Variants in PTPRT observed in about 807,000 individuals in gnomAD.
PTPRT encodes receptor-type tyrosine-protein phosphatase T.
PTPRT carries 56 observed loss-of-function variants against 176.8 expected under a neutral mutation model. The observed-to-expected ratio is 0.32, with a 90% confidence interval of 0.26 to 0.40. PTPRT has a LOEUF of 0.40. Among genes scored for constraint, PTPRT ranks in the 10% least tolerant of loss-of-function variants. PTPRT has a pLI of 1.00. For missense variants in PTPRT, 1,540 were observed against 1,908.2 expected, an observed-to-expected ratio of 0.81 and a Z score of 3.60; for synonymous variants, 783 against 739.0, an observed-to-expected ratio of 1.06 and a Z score of -0.96.
At chr20:42,521,556 T>A (rs888229413) in intron 7 of PTPRT, among the ~76,000 whole-genome samples, 6 of 152,160 alleles carry the variant, frequency 3.9e-5, no homozygotes, top group African/African-American at 7.2e-5. Flanking sequence ...ATACTGTACT[T>A]TTTTCCATAG....
At chr20:42,793,849 G>T (rs2077413121) in intron 2 of PTPRT, among the ~76,000 whole-genome samples, 1 of 152,130 alleles carries the variant, frequency 6.6e-6, no homozygotes. Flanking sequence ...CCCACAAAGG[G>T]TTTGTGACTG....
chr20:42,961,831 A>T (rs1982000271), intron 1 of PTPRT, among the ~76,000 whole-genome samples: 1 of 152,226 alleles, frequency 6.6e-6, no homozygotes, highest in African/African-American at 2.4e-5. Context: ...TGGATTATCC[A>T]GTGAGGCCCA....
chr20:42,316,060 C>G, intron 11 of PTPRT, 64 bp from the exon 12 acceptor site: 2 of 1,557,784 alleles, frequency 1.3e-6, no homozygotes, highest in South Asian at 2.3e-5. Context: ...CTTGTTAGCT[C>G]TAATGGTGTC....
At chr20:42,537,595 T>C (rs893945632) in intron 7 of PTPRT, among the ~76,000 whole-genome samples, 1 of 152,192 alleles carries the variant, frequency 6.6e-6, no homozygotes, top group Non-Finnish European at 1.5e-5. Context: ...AGAGCCAGGA[T>C]TGAAAACCAG....
At chr20:42,084,559 A>G (rs1983677590) in intron 29 of PTPRT, 123 bp downstream of exon 29, 1 of 818,886 alleles carries the variant, frequency 1.2e-6, no homozygotes, top group Non-Finnish European at 1.7e-6. Flanking sequence ...CTAGCCTTTG[A>G]GGGATGTTGA....
intron 7 of PTPRT, among the ~76,000 whole-genome samples, chr20:42,505,044 C>A (rs1306992474): frequency 1.3e-5 from 2 of 151,950 alleles, no homozygotes; most frequent in African/African-American, 2.4e-5. Context: ...ATCCCAATGA[C>A]CCCCTATAAA....
intron 7 of PTPRT, among the ~76,000 whole-genome samples, chr20:42,582,106 G>A (rs764444): frequency 0.64 from 96,858 of 152,022 alleles, 31,904 homozygotes; most frequent in African/African-American, 0.8. Context: ...TGGGGAGAGT[G>A]TCAGCGCAGC....
At chr20:42,459,008 A>C (rs2070971403) in intron 8 of PTPRT, among the ~76,000 whole-genome samples, 1 of 152,154 alleles carries the variant, frequency 6.6e-6, no homozygotes, top group African/African-American at 2.4e-5. Context: ...CTAAGGAGAC[A>C]CCCAAAGCTG....
At chr20:42,316,312 T>G (rs1015630870) in intron 11 of PTPRT, among the ~76,000 whole-genome samples, 1 of 152,210 alleles carries the variant, frequency 6.6e-6, no homozygotes, top group Non-Finnish European at 1.5e-5. Context: ...GGCCAGAATC[T>G]GAATCTAGGG....
intron 1 of PTPRT, among the ~76,000 whole-genome samples, chr20:43,137,801 C>A (rs1156483978): frequency 1.3e-5 from 2 of 152,190 alleles, no homozygotes; most frequent in Non-Finnish European, 2.9e-5. Flanking sequence ...CACACACATG[C>A]ACACGCAAGC....
chr20:42,973,847 C>T (rs1438483605), intron 1 of PTPRT, among the ~76,000 whole-genome samples: 2 of 152,174 alleles, frequency 1.3e-5, no homozygotes, highest in African/African-American at 4.8e-5. Context: ...GGTTATTTTA[C>T]CAGTACTCCA....
At chr20:42,413,734 C>G (rs1456322501) in intron 9 of PTPRT, among the ~76,000 whole-genome samples, 1 of 152,192 alleles carries the variant, frequency 6.6e-6, no homozygotes, top group South Asian at 2.1e-4. Context: ...ATGGCTCACC[C>G]TACAAGGCAT....
Position 42,867,723 on chromosome 20 carries a change from C to T in PTPRT, c.214+18084G>A, listed in dbSNP as rs150640032. 4.5e-3 allele frequency among the ~76,000 whole-genome samples: 664 copies of T among 148,220 alleles called. 8 individuals carry two copies. The highest frequency in any genetic ancestry group is 0.016 in the African/African-American group (643 of 39,536). On this transcript the variant is annotated intron_variant, in intron 2 of 30. Transcript: ENST00000373187. ...TTTTGTGACAGAGTCACTCTGTCAC[C>T]CAGGCTGGAGTCCAGAGGCACTATG...
At position 42,624,005 on chromosome 20, in the gene PTPRT, C is replaced by CAAAAAAAAAAAACAAACA. The variant is rs1159094345; in HGVS notation, c.1153+53860_1153+53861insTGTTTGTTTTTTTTTTTT. Among the ~76,000 whole-genome samples the CAAAAAAAAAAAACAAACA allele has an allele frequency of 3.3e-4, 45 of 135,752 alleles. 1 individual carries two copies. The highest frequency in any genetic ancestry group is 1.3e-3 in the African/African-American group (41 of 31,188). The allele number at this position is 135,752 out of a possible 152,430, so 89.1% of individuals were successfully genotyped here. A position where few individuals can be genotyped will look rare whatever the true frequency, so the allele number is the denominator to read the frequency against. On this transcript the variant is annotated intron_variant, in intron 7 of 30. Transcript: ENST00000373187. ...CCCACGAAGGAAAACAAAACAATAG[C>CAAAAAAAAAAAACAAACA]AACAAACAAACAAACAAACAAAAAA...
At chr20:42,649,051 C>A (rs913111217) in intron 7 of PTPRT, among the ~76,000 whole-genome samples, 2 of 151,902 alleles carry the variant, frequency 1.3e-5, no homozygotes, top group Admixed American at 6.6e-5. Context: ...AATCTCATGA[C>A]CTTGTGATCC....
intron 6 of PTPRT, among the ~76,000 whole-genome samples, chr20:42,719,580 A>T (rs1274626765): frequency 6.6e-6 from 1 of 152,184 alleles, no homozygotes; most frequent in Non-Finnish European, 1.5e-5. Flanking sequence ...TTTCAGCTCC[A>T]ATGTGGGAAT....
At chr20:42,255,126 C>T (rs1327479357) in intron 13 of PTPRT, among the ~76,000 whole-genome samples, 1 of 152,090 alleles carries the variant, frequency 6.6e-6, no homozygotes, top group Non-Finnish European at 1.5e-5. Context: ...ACTTCTTATG[C>T]CCCTTTTGAT....
chr20:42,335,007 T>A (rs183862366), intron 11 of PTPRT, among the ~76,000 whole-genome samples: 28 of 152,260 alleles, frequency 1.8e-4, no homozygotes, highest in Non-Finnish European at 4.4e-5. Flanking sequence ...ATGAGCAGTT[T>A]TAAGAAAATT....
At chr20:42,817,496 T>A (rs1268319743) in intron 2 of PTPRT, among the ~76,000 whole-genome samples, 1 of 151,768 alleles carries the variant, frequency 6.6e-6, no homozygotes, top group African/African-American at 2.4e-5. Context: ...GAAAAAGAAA[T>A]ATATGTATAT....
Sources: gnomAD v4.1 joint callset for allele counts (sites outside exome capture counted in the v4.1 genomes callset) on GRCh38, gnomAD v4.1.1 for gene constraint, MANE v1.5 for transcripts, NCBI Gene and HGNC (gene_info 2026-07-23, HGNC 2026-07-21) for gene names.